Variants in EYS observed in about 807,000 individuals in gnomAD.
EYS encodes protein eyes shut homolog.
EYS carries 250 observed loss-of-function variants against 282.1 expected under a neutral mutation model. The observed-to-expected ratio is 0.89, with a 90% CI of 0.80 to 0.98. The LOEUF is 0.98. Among genes scored for constraint, EYS ranks in the 50% least tolerant of loss-of-function variants. The pLI, the probability that EYS is intolerant of heterozygous loss-of-function variation, is 0.00. For missense variants in EYS, 4,016 were observed against 3,709.0 expected (o/e 1.08, Z -2.15); for synonymous variants, 1,355 against 1,282.9 (o/e 1.06, Z -1.20).
intron 41 of EYS, among the ~76,000 whole-genome samples, chr6:63,728,358 A>G (rs894449719): frequency 5.3e-5 from 8 of 152,200 alleles, no homozygotes; most frequent in African/African-American, 1.7e-4. Flanking sequence ...TGTGAAACTG[A>G]TATTAGCATA....
chr6:63,996,632 G>C (rs1371622157), intron 34 of EYS, among the ~76,000 whole-genome samples: 1 of 152,030 alleles, frequency 6.6e-6, no homozygotes, highest in Non-Finnish European at 1.5e-5. Flanking sequence ...TAAAAGCATG[G>C]ACTATCTAGC....
chr6:63,887,802 G>C (rs1773302827), intron 35 of EYS, among the ~76,000 whole-genome samples: 1 of 152,148 alleles, frequency 6.6e-6, no homozygotes. Context: ...ACCCCAGTGA[G>C]ACAGAACCAT....
intron 31 of EYS, among the ~76,000 whole-genome samples, chr6:64,221,639 C>A (rs116653102): frequency 0.016 from 2,384 of 152,202 alleles, 20 homozygotes; most frequent in South Asian, 0.034. Context: ...ACTCCATGGG[C>A]AAATGCCATC....
chr6:64,646,230 G>GT (rs1276560055), intron 22 of EYS, among the ~76,000 whole-genome samples: 1 of 152,092 alleles, frequency 6.6e-6, no homozygotes, highest in African/African-American at 2.4e-5. Context: ...GACATATATC[G>GT]TATTTATAAC....
chr6:63,807,488 G>A (rs536253234), intron 36 of EYS, among the ~76,000 whole-genome samples: 1 of 152,096 alleles, frequency 6.6e-6, no homozygotes, highest in Non-Finnish European at 1.5e-5. Flanking sequence ...TCAAAGGCTT[G>A]TATATCTTTG....
At chr6:65,229,351 A>G (rs1281686468) in intron 12 of EYS, among the ~76,000 whole-genome samples, 1 of 151,940 alleles carries the variant, frequency 6.6e-6, no homozygotes, top group Non-Finnish European at 1.5e-5. Flanking sequence ...CAAGAGATTT[A>G]TAGGGAGACA....
rs549316740 is a variant in EYS, at chr6:63,968,828, T to C, written c.7055+15555A>G. Among the ~76,000 whole-genome samples, 5 of 152,332 alleles carry C rather than the reference T, an allele frequency of 3.3e-5. No individual in the cohort carries two copies. In the South Asian group the frequency reaches 1.0e-3, roughly 32 times the overall value. Reference sequence around the variant, plus strand: ...ATGCTAGGCAGCTCAGAAATTTCATTGGAATTTTTCCTTACTTGGCAGTTT... The same window carrying C: ...ATGCTAGGCAGCTCAGAAATTTCATCGGAATTTTTCCTTACTTGGCAGTTT... On this transcript the variant is annotated intron_variant, in intron 35 of 42. Transcript: ENST00000503581.
intron 12 of EYS, among the ~76,000 whole-genome samples, chr6:65,235,450 G>A (rs1431570659): frequency 6.6e-6 from 1 of 152,088 alleles, no homozygotes; most frequent in Non-Finnish European, 1.5e-5. Flanking sequence ...AAAAGTAGTT[G>A]GTATGAAGGT....
chr6:65,425,739 C>T (rs539551739), intron 5 of EYS, among the ~76,000 whole-genome samples: 9 of 152,118 alleles, frequency 5.9e-5, no homozygotes, highest in South Asian at 2.1e-4. Flanking sequence ...TAGTTCATGG[C>T]GAGGGACCAG....
chr6:63,763,981 G>GCCTTTCTC (rs769717460), intron 40 of EYS, among the ~76,000 whole-genome samples: 11 of 149,284 alleles, frequency 7.4e-5, no homozygotes, highest in Non-Finnish European at 1.6e-4. Context: ...CTCCCTGCCT[G>GCCTTTCTC]CCTTTCTCCC....
At chr6:64,722,929 A>G (rs1771630411) in intron 22 of EYS, among the ~76,000 whole-genome samples, 1 of 152,070 alleles carries the variant, frequency 6.6e-6, no homozygotes, top group Admixed American at 6.6e-5. Flanking sequence ...TCACAGGGAC[A>G]CTCTCAAGTA....
At chr6:65,447,494 C>T (rs1768718797) in intron 5 of EYS, among the ~76,000 whole-genome samples, 2 of 151,176 alleles carry the variant, frequency 1.3e-5, no homozygotes, top group South Asian at 4.2e-4. Context: ...AGCACTTTCC[C>T]AGATCAAACA....
At chr6:65,475,802 A>G (rs1007559539) in intron 5 of EYS, among the ~76,000 whole-genome samples, 9 of 151,006 alleles carry the variant, frequency 6.0e-5, no homozygotes, top group South Asian at 2.1e-4. Flanking sequence ...GAGAGAGAGA[A>G]AGAGAGACAT....
At chr6:64,544,866 G>C (rs1764801987) in intron 26 of EYS, among the ~76,000 whole-genome samples, 1 of 152,106 alleles carries the variant, frequency 6.6e-6, no homozygotes, top group African/African-American at 2.4e-5. Context: ...CTCTGAAATT[G>C]AGGCCATAAT....
chr6:65,371,605 C>A (rs1279203425), intron 8 of EYS, among the ~76,000 whole-genome samples: 1 of 151,614 alleles, frequency 6.6e-6, no homozygotes, highest in East Asian at 1.9e-4. Flanking sequence ...TAGAGCAAAC[C>A]AGGAGAAGTA....
At chr6:63,810,036 T>C (rs907646440) in intron 36 of EYS, among the ~76,000 whole-genome samples, 49 of 145,292 alleles carry the variant, frequency 3.4e-4, no homozygotes, top group South Asian at 1.1e-3. Context: ...GGTCAGGAGA[T>C]CCAGACCATA....
At chr6:63,903,123 G>A (rs1773695605) in intron 35 of EYS, among the ~76,000 whole-genome samples, 2 of 152,174 alleles carry the variant, frequency 1.3e-5, no homozygotes, top group African/African-American at 4.8e-5. Flanking sequence ...GCCAGACTAG[G>A]TCAGCTTTAC....
chr6:64,317,258 G>A (rs1770009716), intron 29 of EYS, among the ~76,000 whole-genome samples: 1 of 150,966 alleles, frequency 6.6e-6, no homozygotes, highest in Non-Finnish European at 1.5e-5. Flanking sequence ...ACTATCATCA[G>A]AATGGGAGAA....
intron 35 of EYS, among the ~76,000 whole-genome samples, chr6:63,874,841 A>T (rs559198065): frequency 3.3e-5 from 5 of 152,188 alleles, no homozygotes; most frequent in Non-Finnish European, 7.3e-5. Context: ...GACTTTACTG[A>T]AGTTGCTTAT....
Sources: gnomAD v4.1 joint callset for allele counts (sites outside exome capture counted in the v4.1 genomes callset) on GRCh38, gnomAD v4.1.1 for gene constraint, MANE v1.5 for transcripts, NCBI Gene and HGNC (gene_info 2026-07-23, HGNC 2026-07-21) for gene names.